Variants in KCNJ6 observed in about 807,000 individuals in gnomAD.
The protein encoded by KCNJ6 is G protein-activated inward rectifier potassium channel 2.
A neutral mutation model predicts 34.2 loss-of-function variants in KCNJ6; 9 were observed. The observed-to-expected ratio is 0.26, with a 90% CI of 0.16 to 0.46. The LOEUF is 0.46. Ranked by LOEUF, KCNJ6 falls within the 20% of genes least tolerant of loss-of-function variation. KCNJ6 has a pLI of 1.00. For missense variants in KCNJ6, 236 were observed against 531.3 expected (o/e 0.44, Z 5.46); for synonymous variants, 196 against 207.1 (o/e 0.95, Z 0.46).
rs1371807519 is a variant in KCNJ6, at chr21:37,695,709, CTT to C, written c.946+18500_946+18501del. 1.3e-5 allele frequency among the ~76,000 whole-genome samples: 2 copies of C among 152,142 alleles called. No individual in the cohort carries two copies. The highest frequency in any genetic ancestry group is 2.9e-5 in the Non-Finnish European group (2 of 68,030). On this transcript the variant is annotated intron_variant, in intron 3 of 3. Transcript: ENST00000609713. This position sits in a 1 kb window ranked among gnomAD's most constrained non-coding sequence, Gnocchi z 4.2. ...AGTTAAGCTGGGCTAGAACCGACCT[CTT>C]TTGTAAATGGAGGGACCTGGTATGA...
intron 2 of KCNJ6, among the ~76,000 whole-genome samples, chr21:37,840,344 A>G (rs894320279): frequency 6.6e-6 from 1 of 152,164 alleles, no homozygotes. Context: ...ACTTTGACTA[A>G]ACCTCCTAAA....
intron 3 of KCNJ6, among the ~76,000 whole-genome samples, chr21:37,637,058 C>T (rs1201660225): frequency 1.3e-5 from 2 of 152,192 alleles, no homozygotes; most frequent in Admixed American, 1.3e-4. Flanking sequence ...TCCTTTACTC[C>T]TGTGCCCATT....
chr21:37,617,636 G>C lies in KCNJ6; in HGVS notation c.*7523C>G, dbSNP rs1185113365. The C allele has an allele frequency of 6.6e-6, 1 of 152,162 alleles. No homozygotes were observed. The highest frequency in any genetic ancestry group is 2.4e-5 in the African/African-American group (1 of 41,426). 9.4% of individuals were successfully genotyped at this position (152,162 alleles called of 1,614,324 possible). On this transcript the variant is annotated 3_prime_UTR_variant, in exon 4 of 4. Coordinates refer to ENST00000609713, the MANE Select transcript of KCNJ6 (RefSeq NM_002240.5). ...GGTCAGACTATCTGGAGAGAGTTCT[G>C]CCATTGGCCCGATGACTGAGTCTGT...
chr21:37,893,448 C>T (rs1023861138), intron 1 of KCNJ6, among the ~76,000 whole-genome samples: 2 of 152,028 alleles, frequency 1.3e-5, no homozygotes, highest in African/African-American at 4.8e-5. Context: ...CCTTGTGATC[C>T]ACCTGCCTTG....
intron 1 of KCNJ6, among the ~76,000 whole-genome samples, chr21:37,868,222 T>C (rs556446700): frequency 2.0e-5 from 3 of 152,250 alleles, no homozygotes; most frequent in African/African-American, 7.2e-5. Flanking sequence ...TAGCACATTC[T>C]CCTATTAATA....
rs2055710177 is a variant in KCNJ6, at chr21:37,881,852, TCTGTAGACAAAAGGACAG to T, written c.-28+34014_-28+34031del. Among the ~76,000 whole-genome samples, 4 of 152,272 alleles carry T rather than the reference TCTGTAGACAAAAGGACAG, an allele frequency of 2.6e-5. No individual in the cohort carries two copies. In the South Asian group the frequency reaches 8.3e-4, roughly 32 times the overall value. Reference sequence around the variant, plus strand: ...GACATGAACATTCAGTCTACAGCAGTCTGTAGACAAAAGGACAGCTGGGTCCTGACAGTTGCCTTCAGG... The same window carrying T: ...GACATGAACATTCAGTCTACAGCAGTCTGGGTCCTGACAGTTGCCTTCAGG... On this transcript the variant is annotated intron_variant, in intron 1 of 3. Transcript: ENST00000609713.
chr21:37,767,882 G>A (rs2055099109), intron 2 of KCNJ6, among the ~76,000 whole-genome samples: 1 of 152,030 alleles, frequency 6.6e-6, no homozygotes, highest in Admixed American at 6.6e-5. Flanking sequence ...TTAGATTTTA[G>A]CTTTAACTGT....
At chr21:37,769,506 G>A (rs2055107935) in intron 2 of KCNJ6, among the ~76,000 whole-genome samples, 1 of 151,094 alleles carries the variant, frequency 6.6e-6, no homozygotes. Context: ...ATATATAAAA[G>A]CTAAGCCACT....
At chr21:37,808,954 G>A (rs2055307394) in intron 2 of KCNJ6, among the ~76,000 whole-genome samples, 1 of 152,232 alleles carries the variant, frequency 6.6e-6, no homozygotes. Context: ...CATTGTGGAA[G>A]CCAGTGTGGC....
intron 1 of KCNJ6, among the ~76,000 whole-genome samples, chr21:37,875,205 T>C (rs2055671825): frequency 6.6e-6 from 1 of 152,188 alleles, no homozygotes; most frequent in South Asian, 2.1e-4. Context: ...TGAATTATAA[T>C]TCTCCCCAAC....
chr21:37,712,575 T>TTCCTCCCTTC (rs2054762328), intron 3 of KCNJ6, among the ~76,000 whole-genome samples: 1 of 49,430 alleles, frequency 2.0e-5, no homozygotes, highest in Non-Finnish European at 3.7e-5. Flanking sequence ...CTCCTCCTCT[T>TTCCTCCCTTC]CTTCCTCCCT....
At chr21:37,762,375 T>A (rs2055069896) in intron 2 of KCNJ6, among the ~76,000 whole-genome samples, 1 of 152,192 alleles carries the variant, frequency 6.6e-6, no homozygotes, top group African/African-American at 2.4e-5. Context: ...GGGATGTGGA[T>A]GAACAGGTGA....
At position 37,714,628 on chromosome 21, in the gene KCNJ6, A is replaced by G. The variant is rs201523497; in HGVS notation, c.529T>C (p.Leu177=). ...GIILLLIQSV[L]GSIVNAFMVG... ...ATGAATGCATTGACAATGGACCCCA[A>G]CACAGATTGGATTAAGAGAAGAATA... The change falls in exon 3 of 4, where the codon TTG becomes CTG. Residue 177 remains leucine, a synonymous_variant. Coordinates refer to ENST00000609713, the MANE Select transcript of KCNJ6 (RefSeq NM_002240.5). This position sits in a 1 kb window ranked among gnomAD's most constrained non-coding sequence, Gnocchi z 5.9. 1.2e-6 allele frequency: 2 copies of G among 1,614,144 alleles called. No individual in the cohort carries two copies. The highest frequency in any genetic ancestry group is 1.1e-5 in the South Asian group (1 of 91,074).
intron 2 of KCNJ6, among the ~76,000 whole-genome samples, chr21:37,750,739 G>A (rs34134574): frequency 0.26 from 39,678 of 151,922 alleles, 5,591 homozygotes; most frequent in East Asian, 0.51. Context: ...TAGGGTGGGG[G>A]GCTAGGGGAG....
At chr21:37,776,545 G>GT (rs2055143554) in intron 2 of KCNJ6, among the ~76,000 whole-genome samples, 3 of 152,264 alleles carry the variant, frequency 2.0e-5, no homozygotes, top group Admixed American at 2.0e-4. Flanking sequence ...TTTATTGAGA[G>GT]TTTTTAGCAT....
At chr21:37,701,960 C>T (rs896111779) in intron 3 of KCNJ6, among the ~76,000 whole-genome samples, 11 of 152,084 alleles carry the variant, frequency 7.2e-5, no homozygotes, top group East Asian at 1.9e-4. Context: ...GGGCCGGGCA[C>T]GGTGGCTCAT....
At chr21:37,677,419 C>T (rs927072605) in intron 3 of KCNJ6, among the ~76,000 whole-genome samples, 3 of 152,190 alleles carry the variant, frequency 2.0e-5, no homozygotes, top group Admixed American at 1.3e-4. Flanking sequence ...AATAGCCCTG[C>T]TTTGCCAGGA....
rs983591251 is a variant in KCNJ6, at chr21:37,639,436, AT to A, written c.947-13953del. ...ACTGTGTTCAAAAGTTACCTGAACT[AT>A]TTTTTTTTCTATGTGGTTATGTTAT... On this transcript the variant is annotated intron_variant, in intron 3 of 3. Transcript: ENST00000609713. Among the ~76,000 whole-genome samples the A allele has an allele frequency of 4.0e-5, 6 of 151,070 alleles. No homozygotes were observed. The South Asian group carries it at 1.0e-3, about 26-fold the overall frequency.
chr21:37,608,063 A>G lies in KCNJ6; in HGVS notation c.*17096T>C, dbSNP rs900233357. The G allele has an allele frequency of 2.0e-5, 3 of 152,350 alleles. No homozygotes were observed. The highest frequency in any genetic ancestry group is 7.2e-5 in the African/African-American group (3 of 41,584). The allele number at this position is 152,350 out of a possible 1,614,324, so 9.4% of individuals were successfully genotyped here. A position where few individuals can be genotyped will look rare whatever the true frequency, so the allele number is the denominator to read the frequency against. Reference sequence around the variant, plus strand: ...GAAAATTATTTTTTAATTCAATACTAAAGACTTCAGAGCCTTTAAGATGCA... The same window carrying G: ...GAAAATTATTTTTTAATTCAATACTGAAGACTTCAGAGCCTTTAAGATGCA... On this transcript the variant is annotated 3_prime_UTR_variant, in exon 4 of 4. Coordinates refer to ENST00000609713, the MANE Select transcript of KCNJ6 (RefSeq NM_002240.5).
Sources: gnomAD v4.1 joint callset for allele counts (sites outside exome capture counted in the v4.1 genomes callset) on GRCh38, gnomAD v4.1.1 for gene constraint, Gnocchi (gnomAD v3.1) non-coding constraint, MANE v1.5 for transcripts, NCBI Gene and HGNC (gene_info 2026-07-23, HGNC 2026-07-21) for gene names.